Variants in CRTC2 observed in about 807,000 individuals in gnomAD.
CRTC2 encodes CREB regulated transcription coactivator 2.
CRTC2 carries 25 observed loss-of-function variants against 70.9 expected under a neutral mutation model. That is an observed-to-expected ratio of 0.35 (90% confidence interval 0.26 to 0.49). CRTC2 has a LOEUF of 0.49. Among genes scored for constraint, CRTC2 ranks in the 20% least tolerant of loss-of-function variants. The probability of loss-of-function intolerance (pLI) is 0.98; values close to 1 mark genes in which losing one functional copy is unlikely to be tolerated. For missense variants in CRTC2, 737 were observed against 882.6 expected (o/e 0.83, Z 2.09); for synonymous variants, 330 against 364.1 (o/e 0.91, Z 1.07).
rs780466526 is a variant in CRTC2 at position 153,948,331 on chromosome 1, T to C, written c.1862-2A>G. 1.2e-6 allele frequency: 2 copies of C among 1,614,246 alleles called. No homozygotes were observed. Among genetic ancestry groups the C allele is most frequent in the Admixed American group, 3.3e-5 (2 of 60,036 alleles). ...TAGAGAAACCTGGAGAGGAGTCCCC[T>C]GTGGGTAGAAGAGACAGGTGAGGAC... is the stretch of plus-strand genomic sequence containing the variant. On this transcript the variant is annotated splice_acceptor_variant, in intron 13 of 13. Coordinates refer to ENST00000368633, the MANE Select transcript of CRTC2 (RefSeq NM_181715.3). LOFTEE classifies it high-confidence loss of function.
chr1:153,950,671 C>G (rs1054287646), intron 11 of CRTC2, among the ~76,000 whole-genome samples: 2 of 152,178 alleles, frequency 1.3e-5, no homozygotes, highest in African/African-American at 4.8e-5. Context: ...GCTGGGTAAA[C>G]TTGGAAAAGT....
chr1:153,953,472 G>A, intron 5 of CRTC2, 66 bp downstream of exon 5: 8 of 1,544,112 alleles, frequency 5.2e-6, no homozygotes, highest in Non-Finnish European at 7.1e-6. Context: ...CAGGGTGGGG[G>A]TGAGGGAGCA....
At position 153,954,987 on chromosome 1, in the gene CRTC2, G is replaced by A. The variant is rs371339582; in HGVS notation, c.258C>T (p.Ser86=). The part of the protein sequence containing the change: ...QIGSGLAEFQ[S]PLHSPLDSSR... Reference sequence around the variant, plus strand: ...ATGAATCCAAAGGTGAGTGGAGGGGGCTCTGCCAAAAAGGACAGAAGTCAG... The same window carrying A: ...ATGAATCCAAAGGTGAGTGGAGGGGACTCTGCCAAAAAGGACAGAAGTCAG... Residue 86 remains serine (S), a splice_region_variant and synonymous_variant, in exon 3 of 14, where the codon AGC becomes AGT. Coordinates refer to ENST00000368633, the MANE Select transcript of CRTC2 (RefSeq NM_181715.3). The A allele has an allele frequency of 1.5e-5, 24 of 1,613,272 alleles. No individual in the cohort carries two copies. The African/African-American group carries it at 2.1e-4, about 14-fold the overall frequency.
chr1:153,948,367 G>A lies in CRTC2; in HGVS notation c.1862-38C>T, dbSNP rs778973166. ...GAGACAGGTGAGGACCCCATGTCCT[G>A]TAAACTTTTCCAAGACCCCTCAATC... On this transcript the variant is annotated intron_variant, in intron 13 of 13. Coordinates refer to ENST00000368633, the MANE Select transcript of CRTC2 (RefSeq NM_181715.3). 3.1e-6 allele frequency: 5 copies of A among 1,613,220 alleles called. No homozygotes were observed. The South Asian group carries it at 3.3e-5, about 11-fold the overall frequency.
At position 153,947,931 on chromosome 1, in the gene CRTC2, G is replaced by A. The variant is rs942534244; in HGVS notation, c.*178C>T. 39 of 673,226 alleles carry A rather than the reference G, an allele frequency of 5.8e-5. No individual in the cohort carries two copies. The highest frequency in any genetic ancestry group is 1.5e-4 in the Admixed American group (6 of 39,392). 41.7% of individuals were successfully genotyped at this position (673,226 alleles called of 1,614,324 possible). On this transcript the variant is annotated 3_prime_UTR_variant, in exon 14 of 14. Transcript: ENST00000368633. Reference sequence around the variant, plus strand: ...GAGTTCCCCCAGGCCCATCCCTTGCGCAGAATTCAGGGGCCACCTGGACAA... The same window carrying A: ...GAGTTCCCCCAGGCCCATCCCTTGCACAGAATTCAGGGGCCACCTGGACAA...
At position 153,955,147 on chromosome 1, in the gene CRTC2, C is replaced by A. The variant is rs1185778398; in HGVS notation, c.173G>T (p.Arg58Leu). 1 of 1,613,854 alleles carries A rather than the reference C, an allele frequency of 6.2e-7. No homozygotes were observed. The highest frequency in any genetic ancestry group is 1.1e-5 in the South Asian group (1 of 91,030). ...ATGAGAGCTCCTTGTGTATGCCAGT[C>A]GCAGTTTTTGGGCCTGTAACTGAGA... ...GSTRLQAQKL[R>L]LAYTRSSHYG... The change falls in exon 2 of 14, where the codon CGA becomes CTA. Residue 58 changes from arginine (R) to leucine (L), a missense_variant. By Grantham distance (102) the Arg-to-Leu change is moderately radical. Coordinates refer to ENST00000368633, the MANE Select transcript of CRTC2 (RefSeq NM_181715.3).
At chr1:153,948,761 T>C in intron 12 of CRTC2, 117 bp from the exon 13 acceptor site, 2 of 1,192,490 alleles carry the variant, frequency 1.7e-6, no homozygotes, top group African/African-American at 1.5e-5. Flanking sequence ...ACAGAGGCAA[T>C]GACAGAGGGA....
chr1:153,950,707 C>T (rs1680273130), intron 11 of CRTC2, among the ~76,000 whole-genome samples: 1 of 152,142 alleles, frequency 6.6e-6, no homozygotes, highest in South Asian at 2.1e-4. Flanking sequence ...TCCCACTTTC[C>T]TCATCTATTA....
In CRTC2 at chr1:153,949,377, G is replaced by A. The variant is rs1252427376; in HGVS notation, c.1412C>T (p.Pro471Leu). The stretch of plus-strand genomic sequence containing the variant: ...AGTGGACAGTTTACTGGTATCCAGG[G>A]GGACGCCCTGAAAAGAAGTAAAAAG... ...PTLSSITQGV[P>L]LDTSKLSTDQ... The change falls in exon 12 of 14, where the codon CCC (proline) becomes CTC (leucine). Residue 471 changes from proline to leucine, a missense_variant. By Grantham distance (98) the Pro-to-Leu change is moderately conservative (BLOSUM62 -3). Around this residue, in one of 3 missense-constraint regions of CRTC2, gnomAD observed 699 missense variants for 823.7 expected, o/e 0.85. Coordinates refer to ENST00000368633, the MANE Select transcript of CRTC2 (RefSeq NM_181715.3). 1 of 1,606,786 alleles carries A rather than the reference G, an allele frequency of 6.2e-7. No homozygotes were observed. The highest frequency in any genetic ancestry group is 8.5e-7 in the Non-Finnish European group (1 of 1,176,450).
In CRTC2 at chr1:153,948,255, C is replaced by G; in HGVS notation, c.1936G>C (p.Ala646Pro). ...AGVPGFEVSA[A>P]GLELGLGLED... ...AGCCCAAGCCCTAGCTCCAATCCAG[C>G]TGCTGACACCTCAAAGCCAGGCACT... Residue 646 changes from alanine to proline, a missense_variant, in exon 14 of 14, where the codon GCT becomes CCT. Physicochemically the swap from Ala to Pro is conservative, Grantham distance 27. Coordinates refer to ENST00000368633, the MANE Select transcript of CRTC2 (RefSeq NM_181715.3). 1 of 1,614,286 alleles carries G rather than the reference C, an allele frequency of 6.2e-7. No individual in the cohort carries two copies. Among genetic ancestry groups the G allele is most frequent in the Non-Finnish European group, 8.5e-7 (1 of 1,180,058 alleles).
Position 153,958,357 on chromosome 1 carries a change from G to A in CRTC2, c.141C>T (p.Ile47=), listed in dbSNP as rs762539737. The A allele has an allele frequency of 1.9e-6, 3 of 1,612,212 alleles. No individual in the cohort carries two copies. In the East Asian group the frequency reaches 6.7e-5, roughly 36 times the overall value. ...TAAFEEVMMD[I]GSTRLQAQKL... is the part of the protein sequence containing the mutation. Reference sequence around the variant, plus strand: ...CGCGGCCCCTCACCCGGGTGGAGCCGATGTCCATCATCACCTCCTCGAAGG... The same window carrying A: ...CGCGGCCCCTCACCCGGGTGGAGCCAATGTCCATCATCACCTCCTCGAAGG... Residue 47 remains isoleucine, a synonymous_variant, in exon 1 of 14, where the codon ATC becomes ATT. Transcript: ENST00000368633.
Position 153,952,142 on chromosome 1 carries a change from C to T in CRTC2, c.873G>A (p.Leu291=), listed in dbSNP as rs1219855504. 6.2e-7 allele frequency: 1 copy of T among 1,613,866 alleles called. No individual in the cohort carries two copies. Among genetic ancestry groups the T allele is most frequent in the Non-Finnish European group, 8.5e-7 (1 of 1,179,918 alleles). Residue 291 remains leucine (L), a synonymous_variant, in exon 10 of 14, where the codon CTG becomes CTA. Transcript: ENST00000368633. Reference sequence around the variant, plus strand: ...TAGGGTAGGCTGTCTCTTCAGGGTCCAGGGGGGTGGGCAGTGGTGGGGGAA... The same window carrying T: ...TAGGGTAGGCTGTCTCTTCAGGGTCTAGGGGGGTGGGCAGTGGTGGGGGAA... ...LHFPPPLPTP[L]DPEETAYPSL... is the part of the protein sequence containing the mutation.
intron 5 of CRTC2, 84 bp from the exon 6 acceptor site, chr1:153,953,453 G>T (rs1290184630): frequency 6.6e-7 from 1 of 1,518,012 alleles, no homozygotes. Flanking sequence ...AACACTAGCT[G>T]GTCTGGAACA....
Position 153,948,620 on chromosome 1 carries a change from G to T in CRTC2, c.1699C>A (p.Pro567Thr), listed in dbSNP as rs1680151820. 6.3e-7 allele frequency: 1 copy of T among 1,591,260 alleles called. No homozygotes were observed. The highest frequency in any genetic ancestry group is 8.5e-7 in the Non-Finnish European group (1 of 1,170,696). Reference protein sequence around the residue: ...GNLEQFSMESPSASLVLDPPG... With the variant: ...GNLEQFSMESTSASLVLDPPG... ...GGATCCAGCACCAGGCTGGCTGATG[G>T]GCTCTCCATGCTGAACTGCTCCAGC... is the stretch of plus-strand genomic sequence containing the variant. Residue 567 changes from proline (P) to threonine (T), a missense_variant, in exon 13 of 14, where the codon CCA becomes ACA. Transcript: ENST00000368633.
At chr1:153,955,423 C>A (rs890934795) in intron 1 of CRTC2, among the ~76,000 whole-genome samples, 3 of 151,688 alleles carry the variant, frequency 2.0e-5, no homozygotes, top group African/African-American at 7.3e-5. Flanking sequence ...AAAAATTAGC[C>A]GGGCGTGGTG....
chr1:153,954,385 T>G (rs1420750204), intron 3 of CRTC2, 69 bp from the exon 4 acceptor site: 12 of 1,062,410 alleles, frequency 1.1e-5, no homozygotes, highest in Non-Finnish European at 1.6e-5. Context: ...GAAAGAACAA[T>G]GAAGGCAGCA....
At chr1:153,951,165 G>A in intron 11 of CRTC2, 95 bp downstream of exon 11, 1 of 1,270,192 alleles carries the variant, frequency 7.9e-7, no homozygotes, top group South Asian at 1.3e-5. Context: ...GATGAGTATA[G>A]AGTAGGTATT....
At chr1:153,954,145 T>A (rs1318221938) in intron 4 of CRTC2, 110 bp downstream of exon 4, 1 of 789,668 alleles carries the variant, frequency 1.3e-6, no homozygotes, top group Non-Finnish European at 2.2e-6. Flanking sequence ...TAGGAAGAGG[T>A]ACTGTTGAAA....
Position 153,948,081 on chromosome 1 carries a change from CAAG to C in CRTC2, c.*25_*27del, listed in dbSNP as rs1680107522. 8 of 1,608,030 alleles carry C rather than the reference CAAG, an allele frequency of 5.0e-6. No individual in the cohort carries two copies. Among genetic ancestry groups the C allele is most frequent in the Non-Finnish European group, 6.8e-6 (8 of 1,175,018 alleles). On this transcript the variant is annotated 3_prime_UTR_variant, in exon 14 of 14. Coordinates refer to ENST00000368633, the MANE Select transcript of CRTC2 (RefSeq NM_181715.3). Reference sequence around the variant, plus strand: ...AAGGAATGGTGGTGGGGGATGGGGCCAAGAAGAGGGATGGTGATGAGGTGCCCT... The same window carrying C: ...AAGGAATGGTGGTGGGGGATGGGGCCAAGAGGGATGGTGATGAGGTGCCCT...
Sources: gnomAD v4.1 joint callset for allele counts (sites outside exome capture counted in the v4.1 genomes callset) on GRCh38, gnomAD v4.1.1 for gene constraint, gnomAD v4.1.1 regional missense constraint, MANE v1.5 for transcripts, NCBI Gene and HGNC (gene_info 2026-07-23, HGNC 2026-07-21) for gene names.